Variants in EPHA3 observed in about 807,000 individuals in gnomAD.
EPHA3 encodes ephrin type-A receptor 3.
EPHA3 carries 42 observed loss-of-function variants against 107.1 expected under a neutral mutation model. That is an observed-to-expected ratio of 0.39 (90% CI 0.31 to 0.51). The LOEUF (loss-of-function observed/expected upper bound fraction) is 0.51. Ranked by LOEUF, EPHA3 falls within the 20% of genes least tolerant of loss-of-function variation. The pLI is 0.78. For missense variants in EPHA3, 1,183 were observed against 1,211.2 expected (o/e 0.98, Z 0.35); for synonymous variants, 461 against 424.8 (o/e 1.09, Z -1.05).
intron 2 of EPHA3, among the ~76,000 whole-genome samples, chr3:89,190,042 A>G (rs1286762659): frequency 2.0e-5 from 3 of 152,212 alleles, no homozygotes; most frequent in African/African-American, 4.8e-5. Flanking sequence ...GTGCAACAGT[A>G]TTAAACATCC....
At chr3:89,449,781 C>A (rs939341952) in intron 14 of EPHA3, among the ~76,000 whole-genome samples, 1 of 152,054 alleles carries the variant, frequency 6.6e-6, no homozygotes, top group Non-Finnish European at 1.5e-5. Context: ...TGGAAGGCAC[C>A]ATTTGAACTG....
At chr3:89,253,511 T>C (rs976403682) in intron 3 of EPHA3, among the ~76,000 whole-genome samples, 1 of 152,196 alleles carries the variant, frequency 6.6e-6, no homozygotes, top group Non-Finnish European at 1.5e-5. Context: ...TTAAGACATG[T>C]ATATAGCTTG....
chr3:89,425,968 C>A, intron 11 of EPHA3, among the ~76,000 whole-genome samples: 1 of 151,742 alleles, frequency 6.6e-6, no homozygotes, highest in Non-Finnish European at 1.5e-5. Flanking sequence ...TGTGAAAGAT[C>A]ATCATTTTAT....
chr3:89,368,021 C>T (rs870899), intron 5 of EPHA3, among the ~76,000 whole-genome samples: 34,694 of 150,074 alleles, frequency 0.23, 5,241 homozygotes, highest in Non-Finnish European at 0.28. Context: ...CATTTGTCTC[C>T]TTCATAGTGG....
At chr3:89,209,676 A>C (rs150408829) in intron 2 of EPHA3, among the ~76,000 whole-genome samples, 184 bp from the exon 3 acceptor site, 152 of 152,320 alleles carry the variant, frequency 1.0e-3, no homozygotes, top group East Asian at 3.1e-3. Context: ...AAATGTGTTC[A>C]TCAAAATTAT....
intron 10 of EPHA3, among the ~76,000 whole-genome samples, chr3:89,417,143 C>A (rs534333141): frequency 6.6e-6 from 1 of 151,534 alleles, no homozygotes; most frequent in Admixed American, 6.6e-5. Flanking sequence ...ACTTAACATA[C>A]ATTAGTTCCT....
chr3:89,224,238 A>T (rs979568385), intron 3 of EPHA3, among the ~76,000 whole-genome samples: 7 of 152,182 alleles, frequency 4.6e-5, no homozygotes, highest in African/African-American at 1.7e-4. Flanking sequence ...ATTTATTCAA[A>T]ATTAAGCTTC....
At chr3:89,127,111 T>C (rs1275138335) in intron 1 of EPHA3, 98 bp from the exon 2 acceptor site, 1 of 905,182 alleles carries the variant, frequency 1.1e-6, no homozygotes, top group Non-Finnish European at 1.8e-6. Context: ...AGTTATGTTT[T>C]TTGAGCAACA....
Position 89,287,246 on chromosome 3 carries a change from A to G in EPHA3, c.815-53670A>G, listed in dbSNP as rs147779421. Among the ~76,000 whole-genome samples, 79 of 152,268 alleles carry G rather than the reference A, an allele frequency of 5.2e-4. No individual in the cohort carries two copies. The East Asian group carries it at 0.013, about 25-fold the overall frequency. On this transcript the variant is annotated intron_variant, in intron 3 of 16. Coordinates refer to ENST00000336596, the MANE Select transcript of EPHA3 (RefSeq NM_005233.6). The stretch of plus-strand genomic sequence containing the variant: ...CACAGAACAACCCTGATTGGTTAGC[A>G]TTATCATTATCCTGATTTTACGGAT...
chr3:89,135,460 C>T (rs1704290825), intron 2 of EPHA3, among the ~76,000 whole-genome samples: 1 of 152,050 alleles, frequency 6.6e-6, no homozygotes, highest in Admixed American at 6.6e-5. Context: ...TTAAAATTAT[C>T]TAAAAAATGA....
At position 89,121,260 on chromosome 3, in the gene EPHA3, A is replaced by T. The variant is rs868122783; in HGVS notation, c.89-5949A>T. On this transcript the variant is annotated intron_variant, in intron 1 of 16. Transcript: ENST00000336596. Reference sequence around the variant, plus strand: ...CAAAAAAATAAATAAATAAATAAATAAAATAAATTATTACATCATAATTTT... The same window carrying T: ...CAAAAAAATAAATAAATAAATAAATTAAATAAATTATTACATCATAATTTT... Among the ~76,000 whole-genome samples the T allele has an allele frequency of 2.8e-4, 42 of 151,206 alleles. 1 individual carries two copies. Among genetic ancestry groups the T allele is most frequent in the Middle Eastern group, 3.2e-3 (1 of 310 alleles).
At chr3:89,309,164 A>C (rs1250686911) in intron 3 of EPHA3, among the ~76,000 whole-genome samples, 2 of 152,160 alleles carry the variant, frequency 1.3e-5, no homozygotes, top group African/African-American at 4.8e-5. Flanking sequence ...TATTTTTGAC[A>C]GTATCCAAAT....
intron 3 of EPHA3, among the ~76,000 whole-genome samples, chr3:89,231,228 T>C (rs926828095): frequency 1.3e-5 from 2 of 152,148 alleles, no homozygotes; most frequent in Non-Finnish European, 1.5e-5. Flanking sequence ...ATGACATTAG[T>C]AAGTTATTTA....
At chr3:89,399,980 C>T (rs1708925344) in intron 7 of EPHA3, 2 of 1,044,872 alleles carry the variant, frequency 1.9e-6, no homozygotes, top group Middle Eastern at 4.3e-4. Context: ...ATTTGAATAG[C>T]CTGTTCCTTT....
At position 89,478,479 on chromosome 3, in the gene EPHA3, G is replaced by A. The variant is rs141442097; in HGVS notation, c.2847-918G>A. Among the ~76,000 whole-genome samples, 21 of 152,270 alleles carry A rather than the reference G, an allele frequency of 1.4e-4. No homozygotes were observed. The East Asian group carries it at 3.3e-3, about 24-fold the overall frequency. ...CCAAATGGACTGATCTGGTGTGGAG[G>A]GCTGGAGATGCTTTCATTTCGACGT... On this transcript the variant is annotated intron_variant, in intron 16 of 16. Transcript: ENST00000336596.
intron 3 of EPHA3, among the ~76,000 whole-genome samples, chr3:89,313,718 A>G (rs1478392623): frequency 6.6e-6 from 1 of 151,908 alleles, no homozygotes; most frequent in Admixed American, 6.6e-5. Flanking sequence ...TAAAGTAGTC[A>G]TGTGACTTTT....
chr3:89,290,376 C>T (rs572154719), intron 3 of EPHA3, among the ~76,000 whole-genome samples: 65 of 152,132 alleles, frequency 4.3e-4, no homozygotes, highest in African/African-American at 1.5e-3. Context: ...TACTGTTGAA[C>T]ATGTGGTCTC....
chr3:89,204,561 T>C (rs1487353064), intron 2 of EPHA3, among the ~76,000 whole-genome samples: 1 of 151,782 alleles, frequency 6.6e-6, no homozygotes, highest in Non-Finnish European at 1.5e-5. Context: ...TTGACATTAC[T>C]CTGATCTTTT....
At chr3:89,140,068 A>G (rs1704397802) in intron 2 of EPHA3, among the ~76,000 whole-genome samples, 1 of 151,786 alleles carries the variant, frequency 6.6e-6, no homozygotes, top group Non-Finnish European at 1.5e-5. Flanking sequence ...CATTCTCGTG[A>G]ATGTGTATCC....
Sources: allele counts gnomAD v4.1 joint callset (sites outside exome capture counted in the v4.1 genomes callset), GRCh38; gene constraint gnomAD v4.1.1; transcripts MANE v1.5; gene names NCBI Gene and HGNC (gene_info 2026-07-23, HGNC 2026-07-21).